ADAMTSL1: variants seen among roughly 807,000 people sequenced by gnomAD.
ADAMTSL1 encodes ADAMTS-like protein 1.
ADAMTSL1 carries 126 observed loss-of-function variants against 201.8 expected under a neutral mutation model. The observed-to-expected ratio is 0.62, with a 90% CI of 0.54 to 0.72. The LOEUF (loss-of-function observed/expected upper bound fraction) is 0.72. Ranked by LOEUF, ADAMTSL1 falls within the 30% of genes least tolerant of loss-of-function variation. The pLI, the probability that ADAMTSL1 is intolerant of heterozygous loss-of-function variation, is 0.00. For synonymous variants in ADAMTSL1, 1,121 were observed against 903.4 expected, an observed-to-expected ratio of 1.24 and a Z score of -4.32; for missense variants, 2,679 against 2,277.8, an observed-to-expected ratio of 1.18 and a Z score of -3.59.
At chr9:17,956,814 T>C (rs1011145167) in intron 1 of ADAMTSL1, among the ~76,000 whole-genome samples, 2 of 152,204 alleles carry the variant, frequency 1.3e-5, no homozygotes, top group Non-Finnish European at 2.9e-5. Flanking sequence ...CAATTGTCTC[T>C]GGAGATGAGC....
chr9:18,493,238 AT>A (rs918163532), intron 1 of ADAMTSL1, among the ~76,000 whole-genome samples: 4 of 152,342 alleles, frequency 2.6e-5, no homozygotes, highest in Admixed American at 2.6e-4. Context: ...ATTTGCTTCT[AT>A]CAGGTTATTT....
At chr9:18,708,667 C>T (rs993556996) in intron 14 of ADAMTSL1, among the ~76,000 whole-genome samples, 1 of 152,206 alleles carries the variant, frequency 6.6e-6, no homozygotes, top group Admixed American at 6.5e-5. Flanking sequence ...GTTGTGCTTT[C>T]ATCCCCAATT....
chr9:18,241,266 A>C (rs892700766), intron 2 of ADAMTSL1, among the ~76,000 whole-genome samples: 4 of 152,168 alleles, frequency 2.6e-5, no homozygotes, highest in African/African-American at 9.7e-5. Context: ...AACACTTAGA[A>C]GCCATTATAG....
chr9:18,677,977 C>G (rs571882108), intron 10 of ADAMTSL1, among the ~76,000 whole-genome samples: 4 of 151,966 alleles, frequency 2.6e-5, no homozygotes, highest in Admixed American at 2.6e-4. Context: ...ACCCACTGAT[C>G]AAGGCCATTT....
intron 15 of ADAMTSL1, among the ~76,000 whole-genome samples, chr9:18,725,928 A>T (rs1397167295): frequency 1.3e-5 from 2 of 152,206 alleles, no homozygotes; most frequent in African/African-American, 4.8e-5. Context: ...ATGCACTAAA[A>T]ATCTTTTACA....
At chr9:18,648,028 C>G (rs1827935155) in intron 7 of ADAMTSL1, among the ~76,000 whole-genome samples, 1 of 149,064 alleles carries the variant, frequency 6.7e-6, no homozygotes, top group Non-Finnish European at 1.5e-5. Flanking sequence ...GTCTAAGTCT[C>G]TTTGTAGGTC....
intron 2 of ADAMTSL1, among the ~76,000 whole-genome samples, chr9:18,531,140 C>T (rs1031513099): frequency 2.6e-5 from 4 of 152,196 alleles, no homozygotes; most frequent in East Asian, 1.9e-4. Flanking sequence ...ATATTTCAAA[C>T]TAGAATGCCA....
chr9:18,525,239 A>G (rs199717404), intron 2 of ADAMTSL1, among the ~76,000 whole-genome samples: 1 of 152,120 alleles, frequency 6.6e-6, no homozygotes, highest in South Asian at 2.1e-4. Flanking sequence ...AGAGGTGTTT[A>G]TAGTATTCTC....
At chr9:18,688,065 A>T (rs1830946513) in intron 13 of ADAMTSL1, among the ~76,000 whole-genome samples, 1 of 151,500 alleles carries the variant, frequency 6.6e-6, no homozygotes, top group Non-Finnish European at 1.5e-5. Context: ...GACACATCTG[A>T]TTCATGTGGT....
At chr9:18,334,426 T>C (rs1482144681) in intron 2 of ADAMTSL1, among the ~76,000 whole-genome samples, 1 of 152,216 alleles carries the variant, frequency 6.6e-6, no homozygotes, top group African/African-American at 2.4e-5. Context: ...TTGTGAATTA[T>C]GAAAAATTAT....
intron 1 of ADAMTSL1, among the ~76,000 whole-genome samples, chr9:18,490,052 A>G (rs1272620689): frequency 1.3e-5 from 2 of 152,128 alleles, no homozygotes; most frequent in African/African-American, 4.8e-5. Flanking sequence ...TCTGGAGTCT[A>G]CTCAAGGACC....
At chr9:18,286,851 A>C (rs1355067997) in intron 2 of ADAMTSL1, among the ~76,000 whole-genome samples, 2 of 152,186 alleles carry the variant, frequency 1.3e-5, no homozygotes, top group African/African-American at 2.4e-5. Flanking sequence ...ATGTTATAAA[A>C]TATAGATTTT....
At chr9:18,797,848 CT>C (rs1822529284) in intron 20 of ADAMTSL1, among the ~76,000 whole-genome samples, 1 of 152,208 alleles carries the variant, frequency 6.6e-6, no homozygotes, top group Admixed American at 6.5e-5. Context: ...AGCCTCCTTT[CT>C]TTCTCTAGCT....
At chr9:18,331,266 T>A (rs770231027) in intron 2 of ADAMTSL1, among the ~76,000 whole-genome samples, 1 of 152,202 alleles carries the variant, frequency 6.6e-6, no homozygotes, top group Non-Finnish European at 1.5e-5. Context: ...AGGTCTTTGA[T>A]GCTATGCTGA....
At chr9:18,072,110 C>T (rs73420818) in intron 1 of ADAMTSL1, among the ~76,000 whole-genome samples, 4,534 of 152,130 alleles carry the variant, frequency 0.03, 132 homozygotes, top group African/African-American at 0.078. Flanking sequence ...AGCCATGTGC[C>T]GTGGGGATCT....
intron 2 of ADAMTSL1, among the ~76,000 whole-genome samples, chr9:18,256,607 T>C (rs12380003): frequency 3.9e-5 from 6 of 152,138 alleles, no homozygotes; most frequent in Non-Finnish European, 8.8e-5. Context: ...AACAGCCCAT[T>C]GGGGAAGACC....
intron 1 of ADAMTSL1, among the ~76,000 whole-genome samples, chr9:17,935,536 T>A (rs924043362): frequency 3.9e-5 from 6 of 152,176 alleles, no homozygotes; most frequent in African/African-American, 1.4e-4. Flanking sequence ...CTGTTTCTCC[T>A]GCTCCCACTC....
intron 2 of ADAMTSL1, among the ~76,000 whole-genome samples, chr9:18,423,993 C>T (rs1044221536): frequency 2.0e-5 from 3 of 152,194 alleles, no homozygotes; most frequent in Non-Finnish European, 4.4e-5. Context: ...AATAATGCTT[C>T]TGAAGAAAGA....
intron 2 of ADAMTSL1, among the ~76,000 whole-genome samples, chr9:18,321,382 T>G (rs1482377084): frequency 6.6e-6 from 1 of 152,246 alleles, no homozygotes; most frequent in African/African-American, 2.4e-5. Context: ...TGCTCTTTCT[T>G]AGTGTTTGAC....
Sources: allele counts gnomAD v4.1 joint callset (sites outside exome capture counted in the v4.1 genomes callset), GRCh38; gene constraint gnomAD v4.1.1; transcripts MANE v1.5; gene names NCBI Gene and HGNC (gene_info 2026-07-23, HGNC 2026-07-21).